The following SPEF2 variants were observed in gnomAD, a reference collection of about 807,000 sequenced individuals.
SPEF2 encodes the protein sperm flagella and cilia-associated protein 2.
SPEF2 carries 187 observed loss-of-function variants against 224.6 expected under a neutral mutation model. That is an observed-to-expected ratio of 0.83 (90% CI 0.74 to 0.94). The LOEUF is 0.94. Among genes scored for constraint, SPEF2 ranks in the 40% least tolerant of loss-of-function variants. The probability of loss-of-function intolerance (pLI) is 0.00; values close to 1 mark genes in which losing one functional copy is unlikely to be tolerated. For missense variants in SPEF2, 2,170 were observed against 2,135.6 expected (o/e 1.02, Z -0.32); for synonymous variants, 715 against 707.3 (o/e 1.01, Z -0.17).
intron 30 of SPEF2, among the ~76,000 whole-genome samples, chr5:35,791,275 A>T (rs1755912824): frequency 6.6e-6 from 1 of 152,204 alleles, no homozygotes; most frequent in Admixed American, 6.5e-5. Context: ...ATGGCCAATT[A>T]TATCAAAGAA....
At chr5:35,705,999 T>C (rs899838383) in intron 18 of SPEF2, among the ~76,000 whole-genome samples, 191 bp downstream of exon 18, 6 of 151,502 alleles carry the variant, frequency 4.0e-5, no homozygotes, top group African/African-American at 1.5e-4. Context: ...TTTTTCTCTC[T>C]CTTATTTTAA....
intron 1 of SPEF2, among the ~76,000 whole-genome samples, chr5:35,620,061 G>A (rs1743290989): frequency 6.6e-6 from 1 of 152,112 alleles, no homozygotes; most frequent in South Asian, 2.1e-4. Context: ...TACTATAAGA[G>A]AGATAGAGCG....
chr5:35,631,960 A>G lies in SPEF2; in HGVS notation c.161+3398A>G, dbSNP rs1745200593. 5.3e-5 allele frequency among the ~76,000 whole-genome samples: 8 copies of G among 152,318 alleles called. No individual in the cohort carries two copies. The South Asian group carries it at 1.7e-3, about 32-fold the overall frequency. On this transcript the variant is annotated intron_variant, in intron 2 of 36. Coordinates refer to ENST00000356031, the MANE Select transcript of SPEF2 (RefSeq NM_024867.4). The stretch of plus-strand genomic sequence containing the variant: ...TGCAAATACTATACTGTCTTATGTG[A>G]AACCACCTCAGCCTGGACTTCATTG...
intron 34 of SPEF2, among the ~76,000 whole-genome samples, chr5:35,804,623 T>C (rs10155582): frequency 0.18 from 27,769 of 152,084 alleles, 3,161 homozygotes; most frequent in African/African-American, 0.32. Context: ...AGATCAAAAA[T>C]AGCAAACATG....
rs573000665 is a variant in SPEF2, at chr5:35,708,050, T to G, written c.2666-898T>G. On this transcript the variant is annotated intron_variant, in intron 18 of 36. Coordinates refer to ENST00000356031, the MANE Select transcript of SPEF2 (RefSeq NM_024867.4). Reference sequence around the variant, plus strand: ...TCATAAGGCCATTGATTTTTCTGTTTTGTTTTACTGTTGTATCTCCAGCAA... The same window carrying G: ...TCATAAGGCCATTGATTTTTCTGTTGTGTTTTACTGTTGTATCTCCAGCAA... Among the ~76,000 whole-genome samples, 15 of 152,344 alleles carry G rather than the reference T, an allele frequency of 9.8e-5. No homozygotes were observed. The South Asian group carries it at 3.1e-3, about 32-fold the overall frequency.
intron 20 of SPEF2, among the ~76,000 whole-genome samples, chr5:35,717,814 G>T (rs760339216): frequency 1.3e-4 from 20 of 152,272 alleles, no homozygotes; most frequent in Admixed American, 2.6e-4. Flanking sequence ...CCACCTGGTT[G>T]TCTCATTACC....
chr5:35,668,193 A>T (rs749913932), intron 9 of SPEF2, among the ~76,000 whole-genome samples: 1 of 152,182 alleles, frequency 6.6e-6, no homozygotes, highest in Admixed American at 6.6e-5. Context: ...TTAAATTCAC[A>T]CAAAAACCTG....
intron 14 of SPEF2, 45 bp downstream of exon 14, chr5:35,695,841 G>A: frequency 1.4e-6 from 2 of 1,438,104 alleles, no homozygotes; most frequent in Non-Finnish European, 1.9e-6. Flanking sequence ...ATTAAAACCT[G>A]TCATGATTAA....
intron 29 of SPEF2, among the ~76,000 whole-genome samples, chr5:35,776,628 C>CAAT (rs1753645231): frequency 6.6e-6 from 1 of 152,060 alleles, no homozygotes; most frequent in Non-Finnish European, 1.5e-5. Flanking sequence ...AAACTTTGCA[C>CAAT]AATATTTATG....
At position 35,660,542 on chromosome 5, in the gene SPEF2, G is replaced by A. The variant is rs556501840; in HGVS notation, c.1167+1335G>A. On this transcript the variant is annotated intron_variant, in intron 8 of 36. Coordinates refer to ENST00000356031, the MANE Select transcript of SPEF2 (RefSeq NM_024867.4). Reference sequence around the variant, plus strand: ...TTTGTGGAACAGGCATAGCCTAAACGGTGGGTATGGAATGGGGAGAGAGAA... The same window carrying A: ...TTTGTGGAACAGGCATAGCCTAAACAGTGGGTATGGAATGGGGAGAGAGAA... 3.9e-5 allele frequency among the ~76,000 whole-genome samples: 6 copies of A among 152,256 alleles called. No individual in the cohort carries two copies. The East Asian group carries it at 5.8e-4, about 15-fold the overall frequency.
At chr5:35,783,933 T>G (rs962570945) in intron 30 of SPEF2, among the ~76,000 whole-genome samples, 8 of 152,214 alleles carry the variant, frequency 5.3e-5, no homozygotes, top group Non-Finnish European at 1.2e-4. Context: ...CGGTACTCAA[T>G]GAAATGCCTG....
At chr5:35,678,816 C>T (rs1057511774) in intron 10 of SPEF2, 49 of 152,338 alleles carry the variant, frequency 3.2e-4, no homozygotes, top group African/African-American at 1.2e-3. Flanking sequence ...TCCACTGTCA[C>T]CTGGCTATCA....
intron 24 of SPEF2, among the ~76,000 whole-genome samples, chr5:35,758,535 C>A (rs1750765638): frequency 6.6e-6 from 1 of 152,148 alleles, no homozygotes; most frequent in Admixed American, 6.5e-5. Flanking sequence ...GGAGTCACAA[C>A]AAGGGAATGA....
In SPEF2 at chr5:35,705,718, A is replaced by C; in HGVS notation, c.2575A>C (p.Ile859Leu). The change falls in exon 18 of 37, where the codon ATA (isoleucine) becomes CTA (leucine). Residue 859 changes from isoleucine to leucine, a missense_variant. Coordinates refer to ENST00000356031, the MANE Select transcript of SPEF2 (RefSeq NM_024867.4). ...GTTTTCAGAGCCAGAAAATATTTTG[A>C]TAAAAATCAATGCTGAAATAGATAA... is the stretch of plus-strand genomic sequence containing the variant. ...QWFSEPENIL[I>L]KINAEIDKES... 1 of 1,591,276 alleles carries C rather than the reference A, an allele frequency of 6.3e-7. No individual in the cohort carries two copies. The highest frequency in any genetic ancestry group is 8.5e-7 in the Non-Finnish European group (1 of 1,170,730).
At chr5:35,705,558 T>C in intron 17 of SPEF2, 93 bp from the exon 18 acceptor site, 1 of 860,834 alleles carries the variant, frequency 1.2e-6, no homozygotes, top group Non-Finnish European at 1.7e-6. Flanking sequence ...TGGCAGCCTG[T>C]CTTTTCATTA....
At chr5:35,807,904 C>G in intron 36 of SPEF2, 1 of 1,448,240 alleles carries the variant, frequency 6.9e-7, no homozygotes, top group East Asian at 2.5e-5. Context: ...TGACACCAAC[C>G]CCCTTTCATA....
intron 18 of SPEF2, among the ~76,000 whole-genome samples, chr5:35,708,703 ACCACTAC>A (rs1561236726): frequency 2.6e-4 from 39 of 150,554 alleles, no homozygotes; most frequent in Non-Finnish European, 3.3e-4. Flanking sequence ...CACCATCACC[ACCACTAC>A]CCATCAACAT....
rs758430004 is a variant in SPEF2, at chr5:35,806,902, G to A, written c.5206G>A (p.Asp1736Asn). 6.2e-7 allele frequency: 1 copy of A among 1,613,102 alleles called. No individual in the cohort carries two copies. The highest frequency in any genetic ancestry group is 2.2e-5 in the East Asian group (1 of 44,858). Residue 1736 changes from aspartate (D) to asparagine (N), a missense_variant, in exon 35 of 37, where the codon GAC becomes AAC. Physicochemically the swap from Asp to Asn is conservative, Grantham distance 23. Coordinates refer to ENST00000356031, the MANE Select transcript of SPEF2 (RefSeq NM_024867.4). ...KVFKGGSEAQ[D>N]SNRFASHLKI... ...GTTCAAAGGGGGAAGTGAAGCACAG[G>A]ACTCCAATAGATTTGCCAGCCACCT... is the stretch of plus-strand genomic sequence containing the variant.
At chr5:35,783,582 A>G (rs552964877) in intron 30 of SPEF2, among the ~76,000 whole-genome samples, 2 of 152,188 alleles carry the variant, frequency 1.3e-5, no homozygotes, top group African/African-American at 2.4e-5. Flanking sequence ...CTATTATCCA[A>G]AATGTTAGCT....
Sources: allele counts gnomAD v4.1 joint callset (sites outside exome capture counted in the v4.1 genomes callset), GRCh38; gene constraint gnomAD v4.1.1; transcripts MANE v1.5; gene names NCBI Gene and HGNC (gene_info 2026-07-23, HGNC 2026-07-21).